Variants in OPCML observed in about 807,000 individuals in gnomAD.
The protein encoded by OPCML is opioid-binding protein/cell adhesion molecule.
Under a neutral mutation model 37.8 loss-of-function variants are expected in OPCML, and 13 were observed. The observed-to-expected ratio is 0.34, with a 90% CI of 0.22 to 0.55. The LOEUF (loss-of-function observed/expected upper bound fraction) is 0.55. Among genes scored for constraint, OPCML ranks in the 20% least tolerant of loss-of-function variants. The pLI, the probability that OPCML is intolerant of heterozygous loss-of-function variation, is 0.91. For missense variants in OPCML, 341 were observed against 435.6 expected (o/e 0.78, Z 1.93); for synonymous variants, 176 against 168.8 (o/e 1.04, Z -0.33).
intron 1 of OPCML, among the ~76,000 whole-genome samples, chr11:133,394,092 T>A (rs1242411873): frequency 6.6e-6 from 1 of 152,192 alleles, no homozygotes; most frequent in East Asian, 1.9e-4. Context: ...CTCTGCCCCA[T>A]GCTTAATCCT....
At chr11:132,833,274 C>T (rs1443337995) in intron 2 of OPCML, among the ~76,000 whole-genome samples, 2 of 152,076 alleles carry the variant, frequency 1.3e-5, no homozygotes, top group Non-Finnish European at 2.9e-5. Context: ...TCTGTTTTCA[C>T]TTTTTAGTCT....
chr11:132,735,359 C>T, intron 2 of OPCML, among the ~76,000 whole-genome samples: 1 of 152,058 alleles, frequency 6.6e-6, no homozygotes, highest in East Asian at 1.9e-4. Flanking sequence ...AAAAGTTTGT[C>T]TAAGGGCAGA....
intron 1 of OPCML, among the ~76,000 whole-genome samples, chr11:132,995,712 G>A (rs985304278): frequency 6.6e-6 from 1 of 152,158 alleles, no homozygotes; most frequent in African/African-American, 2.4e-5. Flanking sequence ...TGAGCCTCCT[G>A]TGAGGGCTAA....
At chr11:133,010,214 C>T (rs1222932417) in intron 1 of OPCML, among the ~76,000 whole-genome samples, 1 of 152,128 alleles carries the variant, frequency 6.6e-6, no homozygotes, top group African/African-American at 2.4e-5. Context: ...TGTCACAGCT[C>T]CCGTCCTTCT....
At chr11:132,831,093 G>T (rs186063598) in intron 2 of OPCML, among the ~76,000 whole-genome samples, 1 of 151,360 alleles carries the variant, frequency 6.6e-6, no homozygotes, top group African/African-American at 2.4e-5. Flanking sequence ...TCACTGACTC[G>T]TATATCCCAG....
At chr11:133,034,906 G>T (rs908434725) in intron 1 of OPCML, among the ~76,000 whole-genome samples, 2 of 151,474 alleles carry the variant, frequency 1.3e-5, no homozygotes, top group Non-Finnish European at 3.0e-5. Context: ...GTTCGCACGG[G>T]CACCGGCAGA....
chr11:133,299,985 A>G (rs544582605), intron 1 of OPCML: 18 of 152,340 alleles, frequency 1.2e-4, no homozygotes, highest in African/African-American at 4.3e-4. Flanking sequence ...CCCTGTGCTA[A>G]TTAAATTCTG....
chr11:132,984,633 C>T (rs189694429), intron 1 of OPCML, among the ~76,000 whole-genome samples: 27 of 152,318 alleles, frequency 1.8e-4, no homozygotes, highest in African/African-American at 3.8e-4. Flanking sequence ...TATTTTCCAT[C>T]GCTATGTGTA....
chr11:133,429,599 C>T (rs1946075309), intron 1 of OPCML, among the ~76,000 whole-genome samples: 1 of 152,094 alleles, frequency 6.6e-6, no homozygotes, highest in Admixed American at 6.5e-5. Flanking sequence ...AACAAAGTAG[C>T]AGTGCAGATG....
chr11:132,792,508 C>G (rs1324640842), intron 2 of OPCML, among the ~76,000 whole-genome samples: 1 of 152,222 alleles, frequency 6.6e-6, no homozygotes, highest in African/African-American at 2.4e-5. Flanking sequence ...TCCCCACCCC[C>G]ATTTCCATGA....
At chr11:133,048,431 G>T (rs142231429) in intron 1 of OPCML, among the ~76,000 whole-genome samples, 2 of 152,028 alleles carry the variant, frequency 1.3e-5, no homozygotes, top group South Asian at 4.1e-4. Flanking sequence ...CTAAAACCCC[G>T]TATGAGAATG....
chr11:133,031,059 C>T (rs575603785), intron 1 of OPCML, among the ~76,000 whole-genome samples: 50 of 152,318 alleles, frequency 3.3e-4, no homozygotes, highest in African/African-American at 1.0e-3. Flanking sequence ...CAACCTAGCT[C>T]TGTAAGCACG....
At chr11:132,783,744 T>C (rs1014212272) in intron 2 of OPCML, among the ~76,000 whole-genome samples, 17 of 152,182 alleles carry the variant, frequency 1.1e-4, no homozygotes, top group African/African-American at 4.1e-4. Context: ...AAGTATAGAA[T>C]TGTTAGCTAA....
intron 2 of OPCML, among the ~76,000 whole-genome samples, chr11:132,850,440 C>G (rs2725439): frequency 0.47 from 71,163 of 151,892 alleles, 19,142 homozygotes; most frequent in African/African-American, 0.75. Context: ...AGTTGGGTAA[C>G]AAGAATCAAT....
At chr11:132,811,950 T>C (rs1939371151) in intron 2 of OPCML, among the ~76,000 whole-genome samples, 2 of 152,224 alleles carry the variant, frequency 1.3e-5, no homozygotes, top group South Asian at 2.1e-4. Context: ...ATTATATTAA[T>C]ATATACAGTG....
rs113240933 is a variant in OPCML, at chr11:133,040,564, C to A, written c.62-97554G>T. ...AGGAGGAGTGTTGGATGTCTGAAAA[C>A]GGCTTTACTGAGGACTTGGCTTGGA... is the stretch of plus-strand genomic sequence containing the variant. On this transcript the variant is annotated intron_variant, in intron 1 of 7. Transcript: ENST00000524381. 8.8e-3 allele frequency among the ~76,000 whole-genome samples: 1,338 copies of A among 152,228 alleles called. 10 individuals are homozygous for A. Among genetic ancestry groups the A allele is most frequent in the Middle Eastern group, 0.034 (10 of 294 alleles).
intron 1 of OPCML, chr11:133,025,973 G>A (rs1267246106): frequency 3.8e-5 from 26 of 687,946 alleles, no homozygotes; most frequent in Non-Finnish European, 4.7e-5. Context: ...GACCTCAGGT[G>A]ATCCACCCAC....
chr11:133,205,051 G>T lies in OPCML; in HGVS notation c.62-262041C>A, dbSNP rs759598040. 2.0e-5 allele frequency among the ~76,000 whole-genome samples: 3 copies of T among 151,768 alleles called. No homozygotes were observed. The highest frequency in any genetic ancestry group is 4.4e-5 in the Non-Finnish European group (3 of 67,948). On this transcript the variant is annotated intron_variant, in intron 1 of 7. Transcript: ENST00000524381. This position sits in a 1 kb window ranked among gnomAD's most constrained non-coding sequence, Gnocchi z 4.8. ...GGCCCAGGATGGCCTCAGGATGGTG[G>T]CTGGCTGCCAGGGAAGCCAATTCTG...
intron 1 of OPCML, among the ~76,000 whole-genome samples, chr11:133,113,383 T>C (rs1192861762): frequency 2.0e-5 from 3 of 152,168 alleles, no homozygotes; most frequent in South Asian, 2.1e-4. Context: ...ATTTTAGCCC[T>C]GGGGGTTTTG....
Sources: gnomAD v4.1 joint callset for allele counts (sites outside exome capture counted in the v4.1 genomes callset) on GRCh38, gnomAD v4.1.1 for gene constraint, Gnocchi (gnomAD v3.1) non-coding constraint, MANE v1.5 for transcripts, NCBI Gene and HGNC (gene_info 2026-07-23, HGNC 2026-07-21) for gene names.